The following AGBL1 variants were observed in gnomAD, a reference collection of about 807,000 sequenced individuals.
The protein encoded by AGBL1 is cytosolic carboxypeptidase 4.
In AGBL1, 130 loss-of-function variants were observed where a neutral mutation model predicts 118.9. That is an observed-to-expected ratio of 1.09 (90% CI 0.95 to 1.26). The LOEUF (loss-of-function observed/expected upper bound fraction) is 1.26, where lower values mean the gene tolerates loss of function less well. Ranked by LOEUF, AGBL1 falls within the 50% of genes most tolerant of loss-of-function variation. The pLI, the probability that AGBL1 is intolerant of heterozygous loss-of-function variation, is 0.00. For synonymous variants in AGBL1, 555 were observed against 478.9 expected (o/e 1.16, Z -2.08); for missense variants, 1,584 against 1,298.1 (o/e 1.22, Z -3.38).
intron 22 of AGBL1, among the ~76,000 whole-genome samples, chr15:86,860,500 G>A (rs2079545683): frequency 6.6e-6 from 1 of 151,872 alleles, no homozygotes; most frequent in African/African-American, 2.4e-5. Flanking sequence ...AAGTGAGAAA[G>A]AGTTAACTGC....
chr15:86,266,505 T>C, intron 12 of AGBL1, 48 bp downstream of exon 12: 1 of 1,328,220 alleles, frequency 7.5e-7, no homozygotes, highest in Non-Finnish European at 1.1e-6. Flanking sequence ...GAGAATTCTC[T>C]TAATGGCATG....
intron 21 of AGBL1, among the ~76,000 whole-genome samples, chr15:86,609,274 C>A (rs375077864): frequency 1.1e-3 from 161 of 152,182 alleles, no homozygotes; most frequent in Middle Eastern, 3.4e-3. Context: ...AGAACACACA[C>A]AAGAAAATCA....
At chr15:86,371,905 C>T (rs2080976583) in intron 17 of AGBL1, among the ~76,000 whole-genome samples, 1 of 152,086 alleles carries the variant, frequency 6.6e-6, no homozygotes, top group East Asian at 1.9e-4. Flanking sequence ...GTGTGCAGAG[C>T]CACTGTCAGA....
At chr15:86,121,070 T>C (rs150139575) in intron 1 of AGBL1, among the ~76,000 whole-genome samples, 72 of 152,150 alleles carry the variant, frequency 4.7e-4, no homozygotes, top group African/African-American at 1.7e-3. Context: ...CTAATTTTTA[T>C]ATTTTTTAGT....
intron 22 of AGBL1, among the ~76,000 whole-genome samples, chr15:86,758,532 AT>A (rs2077975578): frequency 6.6e-6 from 1 of 152,122 alleles, no homozygotes; most frequent in Admixed American, 6.6e-5. Context: ...TTTGCAAACC[AT>A]TGTGGTCTAA....
Position 86,727,472 on chromosome 15 carries a change from A to G in AGBL1, c.3158+53036A>G, listed in dbSNP as rs147526599. ...TGTTTTATGGCCCTGACACTGGACT[A>G]TCAACTAATGAACATAGTCCTTGCT... On this transcript the variant is annotated intron_variant, in intron 22 of 22. Coordinates refer to ENST00000614907, the MANE Select transcript of AGBL1 (RefSeq NM_001386094.1). Among the ~76,000 whole-genome samples the G allele has an allele frequency of 6.1e-3, 934 of 152,284 alleles. 11 individuals carry two copies. Among genetic ancestry groups the G allele is most frequent in the African/African-American group, 0.021 (884 of 41,556 alleles).
At chr15:86,565,872 A>G (rs956474170) in intron 21 of AGBL1, among the ~76,000 whole-genome samples, 2 of 152,142 alleles carry the variant, frequency 1.3e-5, no homozygotes, top group Non-Finnish European at 2.9e-5. Context: ...TTGCAGTTCG[A>G]TCTCAGACTG....
intron 24 of AGBL1, among the ~76,000 whole-genome samples, chr15:87,005,829 C>A (rs542928467): frequency 6.6e-6 from 1 of 152,294 alleles, no homozygotes; most frequent in East Asian, 1.9e-4. Flanking sequence ...GTGGTTTTAT[C>A]TACCTTTGGT....
At chr15:86,741,505 A>T (rs1315434871) in intron 22 of AGBL1, among the ~76,000 whole-genome samples, 1 of 150,834 alleles carries the variant, frequency 6.6e-6, no homozygotes, top group Non-Finnish European at 1.5e-5. Context: ...TAATGTAAAT[A>T]AATAGGATAA....
At chr15:86,654,166 TGAAAAAGGGGTA>T (rs769242754) in intron 21 of AGBL1, among the ~76,000 whole-genome samples, 16 of 152,000 alleles carry the variant, frequency 1.1e-4, no homozygotes, top group Non-Finnish European at 1.6e-4. Context: ...TGTACCTGAG[TGAAAAAGGGGTA>T]GAAAAAGGGA....
chr15:86,988,173 G>A, intron 24 of AGBL1: 2 of 1,484,680 alleles, frequency 1.3e-6, no homozygotes, highest in South Asian at 1.3e-5. Context: ...CATTGGGACT[G>A]GACAAAGAGA....
intron 23 of AGBL1, among the ~76,000 whole-genome samples, chr15:86,924,567 C>A (rs539930570): frequency 3.3e-5 from 5 of 152,236 alleles, no homozygotes; most frequent in Admixed American, 1.3e-4. Context: ...TCAGCTTATT[C>A]TCTGTTTGGG....
chr15:87,011,793 A>C (rs2081563063), intron 24 of AGBL1, among the ~76,000 whole-genome samples: 1 of 152,250 alleles, frequency 6.6e-6, no homozygotes, highest in Non-Finnish European at 1.5e-5. Flanking sequence ...TGGCTTAGCC[A>C]CTTGTTTAAG....
intron 21 of AGBL1, among the ~76,000 whole-genome samples, chr15:86,628,593 G>A (rs1453579000): frequency 6.6e-6 from 1 of 151,968 alleles, no homozygotes; most frequent in African/African-American, 2.4e-5. Context: ...CAAGGAGATC[G>A]AGACCACCCT....
intron 22 of AGBL1, among the ~76,000 whole-genome samples, chr15:86,783,978 G>A (rs1189755896): frequency 6.6e-6 from 1 of 152,198 alleles, no homozygotes; most frequent in African/African-American, 2.4e-5. Flanking sequence ...GAGGAGGAAT[G>A]GTGTTGGAGT....
At chr15:86,414,383 T>A (rs1357145659) in intron 18 of AGBL1, among the ~76,000 whole-genome samples, 2 of 151,968 alleles carry the variant, frequency 1.3e-5, no homozygotes, top group African/African-American at 2.4e-5. Context: ...TCACAAATAT[T>A]TTAGCCTGTC....
intron 5 of AGBL1, among the ~76,000 whole-genome samples, chr15:86,186,208 C>T (rs1050147703): frequency 1.3e-5 from 2 of 149,218 alleles, no homozygotes; most frequent in East Asian, 2.1e-4. Flanking sequence ...GAACAACAGG[C>T]GCTGGGACTT....
At chr15:86,717,106 T>C (rs956411803) in intron 22 of AGBL1, among the ~76,000 whole-genome samples, 1 of 152,206 alleles carries the variant, frequency 6.6e-6, no homozygotes, top group Non-Finnish European at 1.5e-5. Context: ...GATGGAAATA[T>C]GTCCTAGGTG....
chr15:86,850,962 C>G (rs897873281), intron 22 of AGBL1, among the ~76,000 whole-genome samples: 1 of 152,036 alleles, frequency 6.6e-6, no homozygotes, highest in Non-Finnish European at 1.5e-5. Flanking sequence ...GATAAAGAAA[C>G]TGGAGTATAG....
Sources: gnomAD v4.1 joint callset for allele counts (sites outside exome capture counted in the v4.1 genomes callset) on GRCh38, gnomAD v4.1.1 for gene constraint, MANE v1.5 for transcripts, NCBI Gene and HGNC (gene_info 2026-07-23, HGNC 2026-07-21) for gene names.